The following DST variants were observed in gnomAD, a reference collection of about 807,000 sequenced individuals.
The protein encoded by DST is bullous pemphigoid antigen.
In DST, 253 loss-of-function variants were observed where a neutral mutation model predicts 875.2. That is an observed-to-expected ratio of 0.29 (90% CI 0.26 to 0.32). The LOEUF (loss-of-function observed/expected upper bound fraction) is 0.32, where lower values mean the gene tolerates loss of function less well. Ranked by LOEUF, DST falls within the 10% of genes least tolerant of loss-of-function variation. DST has a pLI of 1.00. For synonymous variants in DST, 3,124 were observed against 3,197.1 expected (o/e 0.98, Z 0.77); for missense variants, 8,287 against 9,111.6 (o/e 0.91, Z 3.68).
chr6:56,724,119 T>G (rs1256695191), intron 5 of DST, among the ~76,000 whole-genome samples: 1 of 152,248 alleles, frequency 6.6e-6, no homozygotes, highest in East Asian at 1.9e-4. Flanking sequence ...TTATATATAC[T>G]GCTCAGTAAA....
At chr6:56,886,079 C>A (rs1264100140) in intron 3 of DST, among the ~76,000 whole-genome samples, 1 of 152,164 alleles carries the variant, frequency 6.6e-6, no homozygotes, top group Non-Finnish European at 1.5e-5. Flanking sequence ...GGGTGGCCAA[C>A]ACAGATAATG....
chr6:56,662,351 C>A (rs2099048069), intron 10 of DST, among the ~76,000 whole-genome samples: 1 of 152,120 alleles, frequency 6.6e-6, no homozygotes, highest in African/African-American at 2.4e-5. Flanking sequence ...AAGTTCAGTA[C>A]AACAGTTTTA....
chr6:56,824,641 G>A (rs1026392378), intron 4 of DST, among the ~76,000 whole-genome samples: 5 of 151,978 alleles, frequency 3.3e-5, no homozygotes, highest in South Asian at 2.1e-4. Context: ...TGTGAGGAGC[G>A]CCTCTGACCG....
chr6:56,710,169 T>C (rs1322526959), intron 5 of DST, among the ~76,000 whole-genome samples: 1 of 152,088 alleles, frequency 6.6e-6, no homozygotes, highest in African/African-American at 2.4e-5. Flanking sequence ...GCCCAATCTG[T>C]ACACAATAAT....
chr6:56,616,608 T>C lies in DST; in HGVS notation c.4930-2124A>G, dbSNP rs373961695. 1.2e-5 allele frequency: 20 copies of C among 1,614,160 alleles called. No individual in the cohort carries two copies. The East Asian group carries it at 1.8e-4, about 14-fold the overall frequency. On this transcript the variant is annotated intron_variant, in intron 36 of 103. Transcript: ENST00000680361. ...GGATTAGGGAAAACTCTTGTGTTGC[T>C]GGATGGCTCATGTAAAAACTGTAAG...
rs2098722310 is a variant in DST, at chr6:56,625,144, A to G, written c.4830+13T>C. ...TTATGCCCCTTCCCCTCTTTCTCTC[A>G]TACTTTTATTACCTCTTGAATAATG... is the stretch of plus-strand genomic sequence containing the variant. On this transcript the variant is annotated intron_variant, in intron 35 of 103. Transcript: ENST00000680361. The G allele has an allele frequency of 6.3e-7, 1 of 1,577,576 alleles. No homozygotes were observed. Among genetic ancestry groups the G allele is most frequent in the African/African-American group, 1.3e-5 (1 of 74,170 alleles).
chr6:56,846,168 T>C (rs2099806963), intron 4 of DST, among the ~76,000 whole-genome samples: 1 of 152,234 alleles, frequency 6.6e-6, no homozygotes, highest in Non-Finnish European at 1.5e-5. Context: ...GAAGAACATC[T>C]GGCCATGGGT....
At chr6:56,512,312 G>A (rs2096493127) in intron 72 of DST, among the ~76,000 whole-genome samples, 1 of 152,178 alleles carries the variant, frequency 6.6e-6, no homozygotes, top group Admixed American at 6.5e-5. Flanking sequence ...AGATGTGTTG[G>A]AAGCCTGAAT....
chr6:56,611,060 G>C (rs953544173), intron 38 of DST, among the ~76,000 whole-genome samples: 2 of 152,130 alleles, frequency 1.3e-5, no homozygotes, highest in African/African-American at 2.4e-5. Context: ...TTCCCTGAGT[G>C]AAACACTGAC....
At position 56,508,778 on chromosome 6, in the gene DST, C is replaced by T. The variant is rs114139170; in HGVS notation, c.19013-23G>A. The T allele has an allele frequency of 2.1e-3, 3,292 of 1,578,624 alleles. 50 individuals carry two copies. The African/African-American group carries it at 0.038, about 18-fold the overall frequency. On this transcript the variant is annotated intron_variant, in intron 74 of 103. Coordinates refer to ENST00000680361, the MANE Select transcript of DST (RefSeq NM_001374736.1). ...CAGCTATGAAGCAAAACAATATCCACAAGGCGACTGGTTAGCCCCACGTAA... is the reference window on the plus strand; with the variant it reads ...CAGCTATGAAGCAAAACAATATCCATAAGGCGACTGGTTAGCCCCACGTAA...
intron 5 of DST, among the ~76,000 whole-genome samples, chr6:56,731,233 C>T (rs1158517564): frequency 6.6e-6 from 1 of 152,136 alleles, no homozygotes; most frequent in Non-Finnish European, 1.5e-5. Context: ...GAAAAATATT[C>T]TCTGACCTGA....
intron 4 of DST, among the ~76,000 whole-genome samples, chr6:56,817,514 G>C (rs1419080568): frequency 6.6e-6 from 1 of 152,114 alleles, no homozygotes; most frequent in African/African-American, 2.4e-5. Context: ...TGTTTCAATA[G>C]CCTTAGCATT....
chr6:56,867,579 T>C (rs951632129), intron 3 of DST, among the ~76,000 whole-genome samples: 4 of 152,196 alleles, frequency 2.6e-5, no homozygotes, highest in Non-Finnish European at 5.9e-5. Context: ...CCCAGCACTT[T>C]GGGAGGCCAA....
intron 5 of DST, among the ~76,000 whole-genome samples, chr6:56,708,655 G>A (rs965031786): frequency 1.3e-5 from 2 of 152,150 alleles, no homozygotes; most frequent in African/African-American, 4.8e-5. Context: ...TTATAATACT[G>A]AGTCAGTTTC....
chr6:56,872,824 C>T (rs112871726), intron 3 of DST, among the ~76,000 whole-genome samples: 2 of 103,114 alleles, frequency 1.9e-5, no homozygotes, highest in African/African-American at 7.2e-5. Flanking sequence ...ACACTGATTC[C>T]CCCCCCCCTT....
intron 4 of DST, among the ~76,000 whole-genome samples, chr6:56,780,911 T>C (rs1170027988): frequency 2.0e-5 from 3 of 152,218 alleles, no homozygotes; most frequent in Non-Finnish European, 4.4e-5. Flanking sequence ...GTATAAGGTA[T>C]AAGGAAGGGA....
chr6:56,630,364 C>A lies in DST; in HGVS notation c.4162G>T (p.Val1388Leu). The A allele has an allele frequency of 6.2e-7, 1 of 1,612,740 alleles. No individual in the cohort carries two copies. Among genetic ancestry groups the A allele is most frequent in the Non-Finnish European group, 8.5e-7 (1 of 1,179,882 alleles). Residue 1388 changes from valine to leucine, a missense_variant, in exon 31 of 104, where the codon GTG becomes TTG. Physicochemically the swap from Val to Leu is conservative, Grantham distance 32. Coordinates refer to ENST00000680361, the MANE Select transcript of DST (RefSeq NM_001374736.1). ...YIDKLKTVNL[V>L]LKNTQAAEAL... ...TCTGCAGCTTGAGTGTTTTTTAACA[C>A]CAAGTTAACAGTTTTCAACCTTAAA...
chr6:56,748,695 T>A (rs1420908372), intron 4 of DST, among the ~76,000 whole-genome samples: 3 of 152,226 alleles, frequency 2.0e-5, no homozygotes, highest in African/African-American at 4.8e-5. Context: ...ATCCTCTTCT[T>A]ATTGATTTTT....
At chr6:56,759,276 T>C (rs1321036426) in intron 4 of DST, among the ~76,000 whole-genome samples, 1 of 152,052 alleles carries the variant, frequency 6.6e-6, no homozygotes, top group Non-Finnish European at 1.5e-5. Flanking sequence ...GGTGAAACCC[T>C]GTCTCTATTA....
Sources: allele counts gnomAD v4.1 joint callset (sites outside exome capture counted in the v4.1 genomes callset), GRCh38; gene constraint gnomAD v4.1.1; transcripts MANE v1.5; gene names NCBI Gene and HGNC (gene_info 2026-07-23, HGNC 2026-07-21).